WDR19: variants seen among roughly 807,000 people sequenced by gnomAD.
WDR19 encodes WD repeat domain 19.
Under a neutral mutation model 180.0 loss-of-function variants are expected in WDR19, and 121 were observed. That is an observed-to-expected ratio of 0.67 (90% CI 0.58 to 0.78). The LOEUF (loss-of-function observed/expected upper bound fraction) is 0.78, where lower values mean the gene tolerates loss of function less well. Ranked by LOEUF, WDR19 falls within the 30% of genes least tolerant of loss-of-function variation. The pLI is 0.00. For synonymous variants in WDR19, 497 were observed against 540.7 expected (o/e 0.92, Z 1.12); for missense variants, 1,450 against 1,640.7 (o/e 0.88, Z 2.01).
intron 28 of WDR19, among the ~76,000 whole-genome samples, chr4:39,263,120 T>C (rs1483844035): frequency 7.5e-6 from 1 of 133,284 alleles, no homozygotes; most frequent in African/African-American, 2.8e-5. Context: ...GCCTCCTTGG[T>C]TTATGGAGGG....
At position 39,249,769 on chromosome 4, in the gene WDR19, C is replaced by A. The variant is rs191121472; in HGVS notation, c.2730-3377C>A. 2.4e-4 allele frequency among the ~76,000 whole-genome samples: 36 copies of A among 152,270 alleles called. 1 individual carries two copies. In the East Asian group the frequency reaches 5.6e-3, roughly 24 times the overall value. On this transcript the variant is annotated intron_variant, in intron 24 of 36. Coordinates refer to ENST00000399820, the MANE Select transcript of WDR19 (RefSeq NM_025132.4). Reference sequence around the variant, plus strand: ...GAAGAAATGGATAAATTCCTCGACACATACACTCCCCCAAGACTAAATCAG... The same window carrying A: ...GAAGAAATGGATAAATTCCTCGACAAATACACTCCCCCAAGACTAAATCAG...
In WDR19 at chr4:39,231,969, T is replaced by A. The variant is rs1730915249; in HGVS notation, c.2142+13T>A. The A allele has an allele frequency of 6.2e-7, 1 of 1,602,156 alleles. No homozygotes were observed. Among genetic ancestry groups the A allele is most frequent in the Non-Finnish European group, 8.5e-7 (1 of 1,170,866 alleles). ...GGAACAAATAAAGGTAAACAGCATGTTATAGAATTATCAAGTTAAAATTTA... is the reference window on the plus strand; with the variant it reads ...GGAACAAATAAAGGTAAACAGCATGATATAGAATTATCAAGTTAAAATTTA... On this transcript the variant is annotated intron_variant, in intron 18 of 36. Transcript: ENST00000399820.
chr4:39,257,579 T>A (rs1447980234), intron 28 of WDR19, 25 bp downstream of exon 28: 3 of 1,549,686 alleles, frequency 1.9e-6, no homozygotes, highest in Non-Finnish European at 2.6e-6. Flanking sequence ...AATGAAACTT[T>A]CAATAATGCC....
intron 36 of WDR19, among the ~76,000 whole-genome samples, chr4:39,280,425 A>C (rs1662373604): frequency 6.6e-6 from 1 of 152,150 alleles, no homozygotes; most frequent in African/African-American, 2.4e-5. Flanking sequence ...TTGGGAGGCC[A>C]AAGTGGTAGG....
intron 36 of WDR19, among the ~76,000 whole-genome samples, chr4:39,283,281 T>C (rs1426188998): frequency 1.3e-5 from 2 of 152,208 alleles, no homozygotes; most frequent in Non-Finnish European, 2.9e-5. Context: ...ACTCTGGAGA[T>C]AAACTCACTT....
At chr4:39,194,083 C>A (rs1307442733) in intron 4 of WDR19, among the ~76,000 whole-genome samples, 1 of 152,182 alleles carries the variant, frequency 6.6e-6, no homozygotes. Flanking sequence ...TGCTTTTGAG[C>A]TACTCTTAAT....
At position 39,217,259 on chromosome 4, in the gene WDR19, T is replaced by C; in HGVS notation, c.1356+19T>C. On this transcript the variant is annotated intron_variant, in intron 13 of 36. Coordinates refer to ENST00000399820, the MANE Select transcript of WDR19 (RefSeq NM_025132.4). ...ACATTTGGTAAGTATAATTTTGATG[T>C]CCTGGAGACGCGCTAAGTTATAATG... The C allele has an allele frequency of 6.5e-7, 1 of 1,535,996 alleles. No homozygotes were observed. The highest frequency in any genetic ancestry group is 8.9e-7 in the Non-Finnish European group (1 of 1,124,494).
chr4:39,254,076 A>G (rs1560542212), intron 26 of WDR19, 46 bp downstream of exon 26: 2 of 1,578,832 alleles, frequency 1.3e-6, no homozygotes, highest in Non-Finnish European at 1.7e-6. Flanking sequence ...GTTTATCATA[A>G]AAACACTTTG....
chr4:39,257,629 T>C, intron 28 of WDR19, 75 bp downstream of exon 28: 1 of 1,381,716 alleles, frequency 7.2e-7, no homozygotes, highest in South Asian at 1.3e-5. Context: ...TTTAAATATA[T>C]GCAGAAGTAG....
chr4:39,237,859 C>G (rs1184112749), intron 20 of WDR19: 2 of 152,168 alleles, frequency 1.3e-5, no homozygotes, highest in African/African-American at 4.8e-5. Flanking sequence ...CAAGTCCTGT[C>G]AGAGTACAGA....
intron 9 of WDR19, among the ~76,000 whole-genome samples, chr4:39,213,851 G>A (rs1728781698): frequency 6.6e-6 from 1 of 152,190 alleles, no homozygotes; most frequent in South Asian, 2.1e-4. Flanking sequence ...TGGGAGAAAA[G>A]GGGACATGGA....
chr4:39,243,939 G>A (rs919583908), intron 21 of WDR19, among the ~76,000 whole-genome samples: 5 of 151,984 alleles, frequency 3.3e-5, no homozygotes, highest in East Asian at 3.8e-4. Flanking sequence ...TAGCATTTAT[G>A]CTATATAGCC....
chr4:39,253,323 TC>T, intron 25 of WDR19, 31 bp downstream of exon 25: 1 of 1,586,084 alleles, frequency 6.3e-7, no homozygotes, highest in Middle Eastern at 1.7e-4. Context: ...TTTTGGACTT[TC>T]AAAAACTAAC....
chr4:39,236,413 T>C (rs1731383541), intron 20 of WDR19, among the ~76,000 whole-genome samples: 1 of 152,122 alleles, frequency 6.6e-6, no homozygotes, highest in Non-Finnish European at 1.5e-5. Context: ...AAATACTGCA[T>C]GTTCTCACTC....
intron 5 of WDR19, 117 bp downstream of exon 5, chr4:39,194,776 C>A (rs112819127): frequency 1.5e-6 from 1 of 675,850 alleles, no homozygotes. Context: ...AACCCCCTCC[C>A]CATGTCCCTC....
chr4:39,274,913 GCAAAATAGATGCCAAATA>G lies in WDR19; in HGVS notation c.3677_3694del (p.Ile1226_Lys1231del). 6.2e-7 allele frequency: 1 copy of G among 1,614,022 alleles called. No homozygotes were observed. The highest frequency in any genetic ancestry group is 8.5e-7 in the Non-Finnish European group (1 of 1,179,890). On this transcript the variant is annotated inframe_deletion, in exon 33 of 37. Coordinates refer to ENST00000399820, the MANE Select transcript of WDR19 (RefSeq NM_025132.4). The stretch of plus-strand genomic sequence containing the variant: ...ATGTTGATGAGGCCTGAATACCGCA[GCAAAATAGATGCCAAATA>G]CAAAAAGAAGATCGAGGGAATGGTC...
At chr4:39,272,516 C>G (rs572588964) in intron 31 of WDR19, among the ~76,000 whole-genome samples, 150 of 152,308 alleles carry the variant, frequency 9.8e-4, no homozygotes, top group African/African-American at 3.4e-3. Flanking sequence ...CCATCCTAAA[C>G]GCACCCCTCG....
intron 32 of WDR19, chr4:39,273,826 C>T (rs1429612245): frequency 6.6e-6 from 1 of 152,150 alleles, no homozygotes; most frequent in East Asian, 1.9e-4. Flanking sequence ...TAGGACGTTG[C>T]CTCTGAAAAG....
chr4:39,199,788 C>T (rs982476522), intron 6 of WDR19, among the ~76,000 whole-genome samples, 195 bp downstream of exon 6: 5 of 152,142 alleles, frequency 3.3e-5, no homozygotes, highest in African/African-American at 1.2e-4. Context: ...AATATGTTAT[C>T]CAAATATCCT....
Sources: gnomAD v4.1 joint callset for allele counts (sites outside exome capture counted in the v4.1 genomes callset) on GRCh38, gnomAD v4.1.1 for gene constraint, MANE v1.5 for transcripts, NCBI Gene and HGNC (gene_info 2026-07-23, HGNC 2026-07-21) for gene names.